The following DGKB variants were observed in gnomAD, a reference collection of about 807,000 sequenced individuals.
The protein encoded by DGKB is 90 kDa diacylglycerol kinase.
DGKB carries 67 observed loss-of-function variants against 114.3 expected under a neutral mutation model. That is an observed-to-expected ratio of 0.59 (90% CI 0.48 to 0.72). The LOEUF (loss-of-function observed/expected upper bound fraction) is 0.72. Among genes scored for constraint, DGKB ranks in the 30% least tolerant of loss-of-function variants. The pLI is 0.00. For synonymous variants in DGKB, 398 were observed against 323.1 expected (o/e 1.23, Z -2.49); for missense variants, 907 against 975.2 (o/e 0.93, Z 0.93).
chr7:14,811,747 T>G (rs1843463898), intron 2 of DGKB, among the ~76,000 whole-genome samples: 1 of 152,014 alleles, frequency 6.6e-6, no homozygotes, highest in Non-Finnish European at 1.5e-5. Context: ...GGGCTATCCC[T>G]TATTTTGAGG....
At chr7:14,368,932 G>A (rs1028947226) in intron 21 of DGKB, among the ~76,000 whole-genome samples, 1 of 151,868 alleles carries the variant, frequency 6.6e-6, no homozygotes, top group African/African-American at 2.4e-5. Context: ...TTTTGTTGTT[G>A]TTTTTGTTTT....
chr7:14,198,469 C>T (rs1309090011), intron 23 of DGKB, among the ~76,000 whole-genome samples: 2 of 151,928 alleles, frequency 1.3e-5, no homozygotes, highest in Admixed American at 1.3e-4. Context: ...GTCCCCCAAA[C>T]CCCAACTTCC....
At chr7:14,533,779 C>T (rs1563427596) in intron 20 of DGKB, among the ~76,000 whole-genome samples, 1 of 151,886 alleles carries the variant, frequency 6.6e-6, no homozygotes, top group African/African-American at 2.4e-5. Context: ...ATTCAAAGTA[C>T]TGAAAGCAAA....
chr7:14,246,254 C>T (rs1225477225), intron 23 of DGKB, among the ~76,000 whole-genome samples: 3 of 152,128 alleles, frequency 2.0e-5, no homozygotes, highest in Non-Finnish European at 4.4e-5. Context: ...GATTGTTTGA[C>T]AGATGTTGCT....
rs142134701 is a variant in DGKB at position 14,678,531 on chromosome 7, G to T, written c.1035+4022C>A. ...CAGAAATACACAGCTATGGCAGAGGGTGTGTGTAGAAGAGGAATATTATAT... is the reference window on the plus strand; with the variant it reads ...CAGAAATACACAGCTATGGCAGAGGTTGTGTGTAGAAGAGGAATATTATAT... On this transcript the variant is annotated intron_variant, in intron 12 of 25. Coordinates refer to ENST00000402815, the MANE Select transcript of DGKB (RefSeq NM_001350709.2). 2.0e-5 allele frequency among the ~76,000 whole-genome samples: 3 copies of T among 152,028 alleles called. No individual in the cohort carries two copies. The East Asian group carries it at 5.8e-4, about 29-fold the overall frequency.
intron 2 of DGKB, among the ~76,000 whole-genome samples, chr7:14,840,844 C>T (rs1847839414): frequency 6.6e-6 from 1 of 151,992 alleles, no homozygotes; most frequent in African/African-American, 2.4e-5. Context: ...TTCTCACTCT[C>T]TGCGCCCGTT....
chr7:14,185,010 G>A lies in DGKB; in HGVS notation c.2123-6859C>T, dbSNP rs561675585. 2.0e-5 allele frequency among the ~76,000 whole-genome samples: 3 copies of A among 152,172 alleles called. No homozygotes were observed. The South Asian group carries it at 6.2e-4, about 32-fold the overall frequency. On this transcript the variant is annotated intron_variant, in intron 23 of 25. Coordinates refer to ENST00000402815, the MANE Select transcript of DGKB (RefSeq NM_001350709.2). ...CACCACTACTCTTCAACATAGTACT[G>A]GAAGTCCTAGTTAGAACAATCAGAC...
Position 14,409,632 on chromosome 7 carries a change from G to A in DGKB, c.1836-64241C>T, listed in dbSNP as rs1824522969. ...TGAGGCAGGAGAATGGCGTGAACCC[G>A]GGAAGCGGAGCTTGCAGTGAGCCGA... On this transcript the variant is annotated intron_variant, in intron 21 of 25. Transcript: ENST00000402815. 1.4e-4 allele frequency among the ~76,000 whole-genome samples: 4 copies of A among 29,054 alleles called. 2 individuals carry two copies. The South Asian group carries it at 4.5e-3, about 33-fold the overall frequency. 19.1% of individuals were successfully genotyped at this position (29,054 alleles called of 152,430 possible). A position where few individuals can be genotyped will look rare whatever the true frequency, so the allele number is the denominator to read the frequency against.
At chr7:14,299,743 A>G (rs994746728) in intron 23 of DGKB, among the ~76,000 whole-genome samples, 3 of 152,110 alleles carry the variant, frequency 2.0e-5, no homozygotes, top group African/African-American at 7.2e-5. Context: ...TCAACTCATG[A>G]GGAATGCTTT....
At chr7:14,735,038 G>T (rs1294300241) in intron 5 of DGKB, among the ~76,000 whole-genome samples, 1 of 152,176 alleles carries the variant, frequency 6.6e-6, no homozygotes, top group African/African-American at 2.4e-5. Flanking sequence ...TCAGCCCGGT[G>T]GCGGTAGCAT....
At chr7:14,428,838 T>C (rs1413596778) in intron 21 of DGKB, among the ~76,000 whole-genome samples, 1 of 152,114 alleles carries the variant, frequency 6.6e-6, no homozygotes, top group Non-Finnish European at 1.5e-5. Context: ...CCCATGCTCA[T>C]TCAGATGCTA....
chr7:14,650,974 AT>A (rs1814335738), intron 13 of DGKB, among the ~76,000 whole-genome samples: 1 of 152,110 alleles, frequency 6.6e-6, no homozygotes, highest in Non-Finnish European at 1.5e-5. Context: ...TAATAGACCA[AT>A]AACAGGAGCT....
intron 20 of DGKB, among the ~76,000 whole-genome samples, chr7:14,493,962 A>ACC (rs1784952560): frequency 7.2e-6 from 1 of 139,042 alleles, no homozygotes; most frequent in Non-Finnish European, 1.6e-5. Context: ...ACACACACAC[A>ACC]TCTATGTACA....
intron 23 of DGKB, among the ~76,000 whole-genome samples, chr7:14,263,306 A>G (rs1797034382): frequency 2.0e-5 from 3 of 152,152 alleles, no homozygotes; most frequent in Non-Finnish European, 2.9e-5. Context: ...TAGTATTTCT[A>G]ATACACTATA....
intron 10 of DGKB, among the ~76,000 whole-genome samples, chr7:14,683,641 C>CATAAAT (rs1200868173): frequency 6.6e-6 from 1 of 151,862 alleles, no homozygotes; most frequent in Non-Finnish European, 1.5e-5. Context: ...GTTCTAAATG[C>CATAAAT]ATAAATATAT....
At chr7:14,823,879 T>G (rs1406045217) in intron 2 of DGKB, among the ~76,000 whole-genome samples, 2 of 152,144 alleles carry the variant, frequency 1.3e-5, no homozygotes, top group Admixed American at 6.6e-5. Flanking sequence ...TTCTTTTAGC[T>G]CTATGTATTC....
At chr7:14,168,776 T>G (rs1373910121) in intron 25 of DGKB, among the ~76,000 whole-genome samples, 4 of 152,126 alleles carry the variant, frequency 2.6e-5, no homozygotes. Flanking sequence ...TAAGAAGATA[T>G]CAACAGAGTC....
chr7:14,360,024 T>C (rs1815385894), intron 21 of DGKB, among the ~76,000 whole-genome samples: 1 of 152,158 alleles, frequency 6.6e-6, no homozygotes, highest in Non-Finnish European at 1.5e-5. Flanking sequence ...GGTATGTTTA[T>C]TGCGGCACTA....
chr7:14,533,046 C>A (rs1197402035), intron 20 of DGKB, among the ~76,000 whole-genome samples: 1 of 151,710 alleles, frequency 6.6e-6, no homozygotes, highest in Non-Finnish European at 1.5e-5. Flanking sequence ...AAATGAAAGT[C>A]TACAAAGTAC....
Sources: gnomAD v4.1 joint callset for allele counts (sites outside exome capture counted in the v4.1 genomes callset) on GRCh38, gnomAD v4.1.1 for gene constraint, MANE v1.5 for transcripts, NCBI Gene and HGNC (gene_info 2026-07-23, HGNC 2026-07-21) for gene names.